Variants in SPOCK3 observed in about 807,000 individuals in gnomAD.
SPOCK3 encodes testican-3.
In SPOCK3, 30 loss-of-function variants were observed where a neutral mutation model predicts 56.6. The ratio of observed to expected loss-of-function variants is 0.53; its 90% CI spans 0.40 to 0.72. The LOEUF (loss-of-function observed/expected upper bound fraction) is 0.72. Ranked by LOEUF, SPOCK3 falls within the 30% of genes least tolerant of loss-of-function variation. SPOCK3 has a pLI of 0.00. For synonymous variants in SPOCK3, 196 were observed against 183.3 expected (o/e 1.07, Z -0.56); for missense variants, 527 against 530.0 (o/e 0.99, Z 0.06).
chr4:167,063,553 G>C (rs1206958698), intron 2 of SPOCK3, among the ~76,000 whole-genome samples: 1 of 151,886 alleles, frequency 6.6e-6, no homozygotes, highest in East Asian at 1.9e-4. Context: ...TCAATGTAAG[G>C]GGTATAAATG....
chr4:166,812,284 T>C (rs1743913831), intron 6 of SPOCK3, among the ~76,000 whole-genome samples: 1 of 151,930 alleles, frequency 6.6e-6, no homozygotes, highest in Non-Finnish European at 1.5e-5. Flanking sequence ...CCATTTAATA[T>C]TTGACTTACT....
intron 2 of SPOCK3, among the ~76,000 whole-genome samples, chr4:167,185,886 T>A (rs1731906642): frequency 6.6e-6 from 1 of 152,228 alleles, no homozygotes; most frequent in Non-Finnish European, 1.5e-5. Context: ...TCTGATAACC[T>A]ACATACTTTG....
At chr4:167,150,046 C>T (rs1529397) in intron 2 of SPOCK3, among the ~76,000 whole-genome samples, 2,327 of 152,116 alleles carry the variant, frequency 0.015, 69 homozygotes, top group African/African-American at 0.052. Context: ...GTTCAATAAA[C>T]AGCTGAATTG....
chr4:167,221,488 C>T (rs1459157448), intron 2 of SPOCK3, among the ~76,000 whole-genome samples: 6 of 152,086 alleles, frequency 3.9e-5, no homozygotes, highest in Non-Finnish European at 5.9e-5. Context: ...GTTAGAAAGT[C>T]GTTTCAAACT....
chr4:166,877,327 C>T (rs1733200484), intron 6 of SPOCK3, among the ~76,000 whole-genome samples: 1 of 152,058 alleles, frequency 6.6e-6, no homozygotes. Context: ...ATTGAACATT[C>T]CTTGATTATT....
At chr4:167,151,322 C>G (rs975640541) in intron 2 of SPOCK3, among the ~76,000 whole-genome samples, 1 of 152,176 alleles carries the variant, frequency 6.6e-6, no homozygotes, top group Admixed American at 6.5e-5. Flanking sequence ...CTAGCAAGAG[C>G]TAAAGACAGA....
At chr4:167,214,439 C>T (rs1735170779) in intron 2 of SPOCK3, among the ~76,000 whole-genome samples, 1 of 151,958 alleles carries the variant, frequency 6.6e-6, no homozygotes, top group South Asian at 2.1e-4. Context: ...ATTATGATTT[C>T]AATTTTGTTT....
At chr4:166,801,295 C>G (rs1742568468) in intron 6 of SPOCK3, among the ~76,000 whole-genome samples, 1 of 152,090 alleles carries the variant, frequency 6.6e-6, no homozygotes. Context: ...GGTAGCACAT[C>G]TGGTACTCCT....
chr4:167,018,446 C>A (rs1191483995), intron 3 of SPOCK3, among the ~76,000 whole-genome samples: 2 of 151,986 alleles, frequency 1.3e-5, no homozygotes, highest in Non-Finnish European at 2.9e-5. Flanking sequence ...CTTCCCATAC[C>A]CTCCACTCAC....
Position 167,234,099 on chromosome 4 carries a change from C to A in SPOCK3, c.75G>T (p.Ala25=). 1.2e-6 allele frequency: 2 copies of A among 1,613,906 alleles called. No homozygotes were observed. The highest frequency in any genetic ancestry group is 1.7e-6 in the Non-Finnish European group (2 of 1,179,976). The change falls in exon 2 of 11, where the codon GCG becomes GCT. Residue 25 remains alanine (A), a synonymous_variant. Coordinates refer to ENST00000357545, the MANE Select transcript of SPOCK3 (RefSeq NM_001040159.2). The part of the protein sequence containing the change: ...WCSQSLAAAA[A]VAAAGGRSDG... ...CCGACCGCCCCCCGGCTGCAGCCAC[C>A]GCCGCGGCAGCTGCGAGAGACTGAC...
chr4:166,889,612 T>C (rs1187993690), intron 5 of SPOCK3, among the ~76,000 whole-genome samples: 1 of 151,978 alleles, frequency 6.6e-6, no homozygotes, highest in Non-Finnish European at 1.5e-5. Context: ...TTCTCAAATA[T>C]AATCTCGGTT....
At chr4:167,017,191 C>T (rs1185709303) in intron 3 of SPOCK3, among the ~76,000 whole-genome samples, 1 of 152,076 alleles carries the variant, frequency 6.6e-6, no homozygotes, top group Non-Finnish European at 1.5e-5. Flanking sequence ...GAGAGTAAAA[C>T]TCCAAACAGT....
intron 4 of SPOCK3, among the ~76,000 whole-genome samples, chr4:166,927,493 C>G (rs1311805873): frequency 1.3e-5 from 2 of 152,104 alleles, no homozygotes; most frequent in African/African-American, 4.8e-5. Context: ...CTATTTTTTC[C>G]CCACTCTCAG....
chr4:166,943,854 TA>T (rs1182051269), intron 4 of SPOCK3, among the ~76,000 whole-genome samples: 5 of 152,132 alleles, frequency 3.3e-5, no homozygotes, highest in Admixed American at 1.3e-4. Flanking sequence ...TTATGTTAAT[TA>T]AAAAAATAGG....
intron 2 of SPOCK3, among the ~76,000 whole-genome samples, chr4:167,073,318 TAG>T (rs1756871169): frequency 6.6e-6 from 1 of 151,768 alleles, no homozygotes. Flanking sequence ...TATTTTCATA[TAG>T]AGTCAACAAA....
chr4:166,819,632 CA>C (rs1744717516), intron 6 of SPOCK3, among the ~76,000 whole-genome samples: 2 of 151,588 alleles, frequency 1.3e-5, no homozygotes. Context: ...ACAAAAGTAT[CA>C]AAATGAATGA....
intron 6 of SPOCK3, among the ~76,000 whole-genome samples, chr4:166,873,311 C>T (rs1732691466): frequency 6.6e-6 from 1 of 151,862 alleles, no homozygotes; most frequent in Non-Finnish European, 1.5e-5. Context: ...TTGTATAATA[C>T]CACAATGACT....
chr4:167,021,598 C>T (rs1160285174), intron 3 of SPOCK3, among the ~76,000 whole-genome samples: 1 of 151,968 alleles, frequency 6.6e-6, no homozygotes, highest in East Asian at 1.9e-4. Context: ...CCCCTCTCTC[C>T]GGTCGATTTC....
intron 6 of SPOCK3, among the ~76,000 whole-genome samples, chr4:166,843,078 C>G (rs1219130855): frequency 6.6e-6 from 1 of 152,208 alleles, no homozygotes; most frequent in Non-Finnish European, 1.5e-5. Flanking sequence ...GTGCTAAGCC[C>G]CTCACTGCCT....
Sources: allele counts gnomAD v4.1 joint callset (sites outside exome capture counted in the v4.1 genomes callset), GRCh38; gene constraint gnomAD v4.1.1; transcripts MANE v1.5; gene names NCBI Gene and HGNC (gene_info 2026-07-23, HGNC 2026-07-21).